RALGAPB: variants seen among roughly 807,000 people sequenced by gnomAD.
RALGAPB encodes the protein Ral GTPase activating protein non-catalytic subunit beta, also known as ral GTPase-activating protein subunit beta.
Under a neutral mutation model 161.1 loss-of-function variants are expected in RALGAPB, and 25 were observed. The observed-to-expected ratio is 0.16, with a 90% CI of 0.11 to 0.22. The LOEUF (loss-of-function observed/expected upper bound fraction) is 0.22. Ranked by LOEUF, RALGAPB falls within the 10% of genes least tolerant of loss-of-function variation. RALGAPB has a pLI of 1.00. For missense variants in RALGAPB, 1,391 were observed against 1,815.2 expected, an observed-to-expected ratio of 0.77 and a Z score of 4.25; for synonymous variants, 629 against 626.1, an observed-to-expected ratio of 1.00 and a Z score of -0.07.
intron 13 of RALGAPB, among the ~76,000 whole-genome samples, chr20:38,530,946 T>C (rs2086634586): frequency 6.6e-6 from 1 of 151,796 alleles, no homozygotes; most frequent in Non-Finnish European, 1.5e-5. Flanking sequence ...TTTTTCAAAT[T>C]GTCACAGATC....
chr20:38,503,578 G>A (rs776501762), intron 5 of RALGAPB, among the ~76,000 whole-genome samples: 9 of 152,178 alleles, frequency 5.9e-5, no homozygotes, highest in Non-Finnish European at 1.0e-4. Context: ...TGAGCAAAGA[G>A]TTTCCTGAGG....
intron 23 of RALGAPB, among the ~76,000 whole-genome samples, chr20:38,559,747 AAAGAGACTAAGAG>A (rs1268206764): frequency 2.6e-5 from 4 of 152,356 alleles, no homozygotes; most frequent in African/African-American, 7.2e-5. Flanking sequence ...TACGTGGAAC[AAAGAGACTAAGAG>A]AAGGACGAAG....
intron 6 of RALGAPB, among the ~76,000 whole-genome samples, chr20:38,509,914 T>G (rs2085883593): frequency 6.6e-6 from 1 of 152,204 alleles, no homozygotes; most frequent in African/African-American, 2.4e-5. Flanking sequence ...AATCTTTTTT[T>G]ATCATTTCTT....
intron 6 of RALGAPB, among the ~76,000 whole-genome samples, chr20:38,512,553 T>C (rs188743426): frequency 6.6e-6 from 1 of 152,362 alleles, no homozygotes; most frequent in African/African-American, 2.4e-5. Flanking sequence ...TTGCTATTAT[T>C]ACAGTTATTT....
rs1313703377 is a variant in RALGAPB at position 38,577,814 on chromosome 20, T to C, written c.*2847T>C. On this transcript the variant is annotated 3_prime_UTR_variant, in exon 30 of 30. Transcript: ENST00000262879. ...ATTTTCCTCTGGATTCATTGATGAA[T>C]ACAAGTACCCACACCTTTGGCCAGT... is the stretch of plus-strand genomic sequence containing the variant. 6.6e-6 allele frequency: 1 copy of C among 152,286 alleles called. No individual in the cohort carries two copies. The highest frequency in any genetic ancestry group is 1.5e-5 in the Non-Finnish European group (1 of 68,162). 9.4% of individuals were successfully genotyped at this position (152,286 alleles called of 1,614,324 possible).
chr20:38,575,074 C>T lies in RALGAPB; in HGVS notation c.*107C>T. ...AATAAAAACAAATCACTCCCAAGAGCTTACTGTTTAATCACCAGAATAGAA... is the reference window on the plus strand; with the variant it reads ...AATAAAAACAAATCACTCCCAAGAGTTTACTGTTTAATCACCAGAATAGAA... On this transcript the variant is annotated 3_prime_UTR_variant, in exon 30 of 30. Transcript: ENST00000262879. 1.0e-6 allele frequency: 1 copy of T among 953,186 alleles called. No homozygotes were observed. The highest frequency in any genetic ancestry group is 1.5e-5 in the South Asian group (1 of 64,586). The allele number at this position is 953,186 out of a possible 1,614,324, so 59.0% of individuals were successfully genotyped here.
At chr20:38,493,644 G>A (rs2085336687) in intron 3 of RALGAPB, among the ~76,000 whole-genome samples, 1 of 152,158 alleles carries the variant, frequency 6.6e-6, no homozygotes, top group South Asian at 2.1e-4. Context: ...ATACCTTCAA[G>A]GAGCAGTAGA....
intron 28 of RALGAPB, among the ~76,000 whole-genome samples, chr20:38,572,830 T>C (rs2088289817): frequency 6.6e-6 from 1 of 152,218 alleles, no homozygotes; most frequent in African/African-American, 2.4e-5. Flanking sequence ...ACTTTCTTAA[T>C]ATTATCTAAT....
chr20:38,524,951 C>T lies in RALGAPB; in HGVS notation c.1787+6C>T. 1 of 1,595,344 alleles carries T rather than the reference C, an allele frequency of 6.3e-7. No individual in the cohort carries two copies. The highest frequency in any genetic ancestry group is 8.6e-7 in the Non-Finnish European group (1 of 1,163,106). Reference sequence around the variant, plus strand: ...GAAACCATTTTGCCTGACAGGTAAGCTATCATTCTCTGCTATTATATCAAC... The same window carrying T: ...GAAACCATTTTGCCTGACAGGTAAGTTATCATTCTCTGCTATTATATCAAC... On this transcript the variant is annotated splice_donor_region_variant and intron_variant, in intron 11 of 29. Coordinates refer to ENST00000262879, the MANE Select transcript of RALGAPB (RefSeq NM_020336.4).
intron 12 of RALGAPB, 36 bp from the exon 13 acceptor site, chr20:38,525,859 A>G (rs1349233075): frequency 1.3e-6 from 2 of 1,569,440 alleles, no homozygotes; most frequent in Non-Finnish European, 1.7e-6. Flanking sequence ...ATAAGCTGCA[A>G]CAGCTGATGT....
At chr20:38,492,324 G>C (rs1276647954) in intron 2 of RALGAPB, among the ~76,000 whole-genome samples, 1 of 152,216 alleles carries the variant, frequency 6.6e-6, no homozygotes, top group East Asian at 1.9e-4. Flanking sequence ...AGCTAGGTCA[G>C]GAGGCTGGGA....
chr20:38,514,248 G>T (rs1019466901), intron 6 of RALGAPB, among the ~76,000 whole-genome samples: 2 of 152,184 alleles, frequency 1.3e-5, no homozygotes, highest in African/African-American at 4.8e-5. Flanking sequence ...TGATTCTCTT[G>T]TGCATGCACA....
At chr20:38,494,580 G>C (rs139120928) in intron 3 of RALGAPB, among the ~76,000 whole-genome samples, 1 of 152,280 alleles carries the variant, frequency 6.6e-6, no homozygotes. Context: ...GCAGTGAGCC[G>C]AGATTGCACC....
chr20:38,567,783 CAA>C (rs1163590966), intron 26 of RALGAPB, among the ~76,000 whole-genome samples: 1 of 152,134 alleles, frequency 6.6e-6, no homozygotes, highest in African/African-American at 2.4e-5. Flanking sequence ...CAAAACATAA[CAA>C]AGACAGAAGT....
intron 5 of RALGAPB, among the ~76,000 whole-genome samples, chr20:38,507,682 G>A (rs531440478): frequency 6.6e-5 from 10 of 151,680 alleles, no homozygotes; most frequent in South Asian, 4.2e-4. Flanking sequence ...CTATGCCAGC[G>A]TTGTTTTTTT....
At chr20:38,531,292 T>A in intron 14 of RALGAPB, 61 bp downstream of exon 14, 1 of 1,363,014 alleles carries the variant, frequency 7.3e-7, no homozygotes, top group Non-Finnish European at 1.0e-6. Context: ...GTAAATTATA[T>A]TCCAGAATGT....
At chr20:38,553,070 C>T (rs778235589) in intron 21 of RALGAPB, among the ~76,000 whole-genome samples, 1 of 152,006 alleles carries the variant, frequency 6.6e-6, no homozygotes, top group Non-Finnish European at 1.5e-5. Context: ...TAGTAGAGCA[C>T]GAGCTCAGGA....
chr20:38,506,253 C>G (rs2085760106), intron 5 of RALGAPB, among the ~76,000 whole-genome samples: 1 of 151,744 alleles, frequency 6.6e-6, no homozygotes, highest in Admixed American at 6.6e-5. Context: ...GCGTCAATCC[C>G]CTATAATTCT....
chr20:38,574,074 T>G, intron 28 of RALGAPB, 76 bp from the exon 29 acceptor site: 1 of 1,435,212 alleles, frequency 7.0e-7, no homozygotes, highest in Non-Finnish European at 9.4e-7. Flanking sequence ...AGGCTATATG[T>G]GGGGGACTTC....
Sources: allele counts gnomAD v4.1 joint callset (sites outside exome capture counted in the v4.1 genomes callset), GRCh38; gene constraint gnomAD v4.1.1; transcripts MANE v1.5; gene names NCBI Gene and HGNC (gene_info 2026-07-23, HGNC 2026-07-21).